RTL9: variants seen among roughly 807,000 people sequenced by gnomAD.
RTL9 encodes retrotransposon Gag-like protein 9.
In RTL9, 19 loss-of-function variants were observed where a neutral mutation model predicts 44.7. The ratio of observed to expected loss-of-function variants is 0.42; its 90% CI spans 0.30 to 0.62. The LOEUF (loss-of-function observed/expected upper bound fraction) is 0.62. Among genes scored for constraint, RTL9 ranks in the 20% least tolerant of loss-of-function variants. RTL9 has a pLI of 0.16. For missense variants in RTL9, 1,105 were observed against 1,080.6 expected (o/e 1.02, Z -0.32); for synonymous variants, 407 against 398.9 (o/e 1.02, Z -0.24).
intron 1 of RTL9, among the ~76,000 whole-genome samples, chrX:110,385,972 A>G (rs754877293): frequency 3.9e-4 from 44 of 112,260 alleles, no homozygotes; most frequent in Middle Eastern, 4.6e-3. Flanking sequence ...CTTCCTTTTT[A>G]AGGCTGAATA....
intron 1 of RTL9, among the ~76,000 whole-genome samples, chrX:110,367,371 T>C (rs1257295695): frequency 8.9e-6 from 1 of 111,937 alleles, no homozygotes; most frequent in Non-Finnish European, 1.9e-5. Flanking sequence ...CCATCATCAC[T>C]CCACCAAAAT....
At chrX:110,374,982 G>C (rs1236928796) in intron 1 of RTL9, among the ~76,000 whole-genome samples, 2 of 111,275 alleles carry the variant, frequency 1.8e-5, no homozygotes, top group Admixed American at 1.9e-4. Context: ...CCAATGAAAG[G>C]CTAACTAACC....
chrX:110,424,648 C>T (rs987705313), intron 1 of RTL9, among the ~76,000 whole-genome samples: 14 of 111,918 alleles, frequency 1.3e-4, no homozygotes, highest in Non-Finnish European at 2.3e-4. Context: ...AGCTATGGGA[C>T]GAATACACTT....
chrX:110,445,562 A>T (rs951970415), intron 2 of RTL9, among the ~76,000 whole-genome samples: 4 of 111,712 alleles, frequency 3.6e-5, no homozygotes, highest in African/African-American at 1.3e-4. Context: ...AAAGTAGACC[A>T]GGTATTTCTT....
intron 1 of RTL9, among the ~76,000 whole-genome samples, chrX:110,378,513 T>A (rs1345842858): frequency 8.9e-6 from 1 of 112,293 alleles, no homozygotes; most frequent in Non-Finnish European, 1.9e-5. Flanking sequence ...CTCCTCATCC[T>A]GGCATTCGAA....
chrX:110,442,459 G>A (rs2068888132), intron 1 of RTL9, among the ~76,000 whole-genome samples: 1 of 111,693 alleles, frequency 9.0e-6, no homozygotes. Context: ...GTAAATAGAT[G>A]TGAAAGTGCT....
chrX:110,399,589 T>C (rs974203283), intron 1 of RTL9, among the ~76,000 whole-genome samples: 3 of 112,692 alleles, frequency 2.7e-5, no homozygotes, highest in Non-Finnish European at 5.6e-5. Flanking sequence ...TTAGATGTGA[T>C]ACAAATTGAC....
At chrX:110,369,957 A>G (rs1369740730) in intron 1 of RTL9, among the ~76,000 whole-genome samples, 1 of 110,692 alleles carries the variant, frequency 9.0e-6, no homozygotes, top group Non-Finnish European at 1.9e-5. Context: ...TATATCTTTT[A>G]GCAGAGCAGG....
At chrX:110,437,769 C>G (rs1189581793) in intron 1 of RTL9, among the ~76,000 whole-genome samples, 2 of 111,522 alleles carry the variant, frequency 1.8e-5, no homozygotes, top group Non-Finnish European at 3.8e-5. Flanking sequence ...TTGACCTACT[C>G]TCTCTGGGCT....
chrX:110,398,446 C>T (rs986648070), intron 1 of RTL9, among the ~76,000 whole-genome samples: 3 of 112,558 alleles, frequency 2.7e-5, no homozygotes, highest in Non-Finnish European at 5.6e-5. Flanking sequence ...TCTTAGAATA[C>T]TTTTAGATTT....
chrX:110,374,186 T>C (rs1478538368), intron 1 of RTL9, among the ~76,000 whole-genome samples: 5 of 111,762 alleles, frequency 4.5e-5, no homozygotes, highest in Admixed American at 1.9e-4. Flanking sequence ...TAAAGACAAA[T>C]TGATACCCTG....
chrX:110,400,962 G>C (rs1232849331), intron 1 of RTL9, among the ~76,000 whole-genome samples: 3 of 111,950 alleles, frequency 2.7e-5, no homozygotes, highest in Non-Finnish European at 5.6e-5. Context: ...TCCAAGAGGT[G>C]GTGAGAGCAG....
intron 1 of RTL9, among the ~76,000 whole-genome samples, chrX:110,429,461 T>G (rs2068779630): frequency 1.3e-5 from 1 of 74,985 alleles, no homozygotes; most frequent in African/African-American, 2.2e-4. Flanking sequence ...AAAAAGTGTT[T>G]TTTTTTTTTT....
At chrX:110,420,658 A>AGGT (rs369566821) in intron 1 of RTL9, among the ~76,000 whole-genome samples, 2 of 112,047 alleles carry the variant, frequency 1.8e-5, no homozygotes, top group African/African-American at 6.5e-5. Context: ...GGGTGTGGGG[A>AGGT]GGTGGTGGTG....
chrX:110,397,632 G>C (rs376708277), intron 1 of RTL9, among the ~76,000 whole-genome samples: 241 of 111,099 alleles, frequency 2.2e-3, no homozygotes, highest in African/African-American at 7.3e-3. Flanking sequence ...ATGAAGCAGA[G>C]GGGGAGGGAG....
At chrX:110,394,074 C>T (rs1006717860) in intron 1 of RTL9, among the ~76,000 whole-genome samples, 1 of 112,254 alleles carries the variant, frequency 8.9e-6, no homozygotes, top group African/African-American at 3.2e-5. Context: ...CTTGACCTGA[C>T]CCGCCATTGC....
At chrX:110,389,208 G>GAA (rs2068478129) in intron 1 of RTL9, among the ~76,000 whole-genome samples, 1 of 112,674 alleles carries the variant, frequency 8.9e-6, no homozygotes, top group Non-Finnish European at 1.9e-5. Context: ...AGGAAATATA[G>GAA]AATATGCAGT....
At chrX:110,437,403 G>T (rs2068846802) in intron 1 of RTL9, among the ~76,000 whole-genome samples, 1 of 112,304 alleles carries the variant, frequency 8.9e-6, no homozygotes, top group African/African-American at 3.2e-5. Context: ...AACATTATAT[G>T]ATAGCTCCTA....
chrX:110,450,687 A>G (rs2068933635), exon 1 of RTL9: 1 of 1,208,986 alleles, frequency 8.3e-7, no homozygotes, highest in Non-Finnish European at 1.1e-6. Context: ...GCCCCAAAAC[A>G]AGCAGATGGC....
Sources: allele counts gnomAD v4.1 joint callset (sites outside exome capture counted in the v4.1 genomes callset), GRCh38; gene constraint gnomAD v4.1.1; transcripts MANE v1.5; gene names NCBI Gene and HGNC (gene_info 2026-07-23, HGNC 2026-07-21).